Variants in DLGAP4 observed in about 807,000 individuals in gnomAD.
DLGAP4 encodes the protein disks large-associated protein 4.
DLGAP4 carries 18 observed loss-of-function variants against 86.9 expected under a neutral mutation model. The ratio of observed to expected loss-of-function variants is 0.21; its 90% CI spans 0.14 to 0.31. DLGAP4 has a LOEUF of 0.31. Ranked by LOEUF, DLGAP4 falls within the 10% of genes least tolerant of loss-of-function variation. The probability of loss-of-function intolerance (pLI) is 1.00; values close to 1 mark genes in which losing one functional copy is unlikely to be tolerated. For missense variants in DLGAP4, 1,085 were observed against 1,362.6 expected (o/e 0.80, Z 3.21); for synonymous variants, 548 against 574.3 (o/e 0.95, Z 0.65).
chr20:36,398,980 G>A (rs1340490079), intron 2 of DLGAP4, among the ~76,000 whole-genome samples: 1 of 152,148 alleles, frequency 6.6e-6, no homozygotes, highest in Non-Finnish European at 1.5e-5. Context: ...ATCACTTGAG[G>A]TCAGCAGTTC....
chr20:36,431,957 C>T lies in DLGAP4; in HGVS notation c.240C>T (p.Phe80=), dbSNP rs753759040. The change falls in exon 3 of 13, where the codon TTC becomes TTT. Residue 80 remains phenylalanine (F), a synonymous_variant. Coordinates refer to ENST00000339266, the MANE Select transcript of DLGAP4 (RefSeq NM_001365621.2). The surrounding 1 kb of genome is among the most constrained non-coding windows in gnomAD (Gnocchi z 5.1). The part of the protein sequence containing the change: ...TFPRIHYNSH[F]EVPEESPFPS... ...CCCGCATCCACTACAACTCCCACTT[C>T]GAGGTGCCAGAGGAGAGCCCCTTCC... 1.2e-6 allele frequency: 2 copies of T among 1,614,236 alleles called. No individual in the cohort carries two copies. Among genetic ancestry groups the T allele is most frequent in the East Asian group, 4.5e-5 (2 of 44,880 alleles).
intron 5 of DLGAP4, among the ~76,000 whole-genome samples, chr20:36,442,496 G>T (rs1211691494): frequency 6.6e-6 from 1 of 152,186 alleles, no homozygotes; most frequent in Non-Finnish European, 1.5e-5. Context: ...GCCCAGCCAA[G>T]AAGGACTTTT....
At chr20:36,337,279 C>T (rs1291989238) in intron 1 of DLGAP4, among the ~76,000 whole-genome samples, 5 of 150,954 alleles carry the variant, frequency 3.3e-5, no homozygotes, top group African/African-American at 4.9e-5. Flanking sequence ...ACTGCTCATT[C>T]GCTCAATAAT....
At chr20:36,446,244 G>A (rs1409568301) in intron 6 of DLGAP4, among the ~76,000 whole-genome samples, 1 of 152,148 alleles carries the variant, frequency 6.6e-6, no homozygotes, top group Non-Finnish European at 1.5e-5. Context: ...CATGGCAAGT[G>A]TCTTCCCCTC....
chr20:36,356,745 A>G (rs1555893873), intron 1 of DLGAP4, among the ~76,000 whole-genome samples: 1 of 151,966 alleles, frequency 6.6e-6, no homozygotes, highest in African/African-American at 2.4e-5. Context: ...TTGCAGTGCC[A>G]TATGGCTTGC....
intron 5 of DLGAP4, among the ~76,000 whole-genome samples, chr20:36,442,186 AG>A (rs2033465545): frequency 1.3e-5 from 2 of 152,144 alleles, no homozygotes; most frequent in South Asian, 4.1e-4. Flanking sequence ...GACCTAAAGA[AG>A]GACTTTTATT....
intron 7 of DLGAP4, among the ~76,000 whole-genome samples, chr20:36,488,538 C>G (rs543388020): frequency 6.6e-6 from 1 of 152,176 alleles, no homozygotes; most frequent in East Asian, 1.9e-4. Context: ...ACCAACCAAC[C>G]AATCAATCCA....
At chr20:36,341,107 G>A (rs1340685628) in intron 1 of DLGAP4, among the ~76,000 whole-genome samples, 1 of 152,194 alleles carries the variant, frequency 6.6e-6, no homozygotes, top group East Asian at 1.9e-4. Flanking sequence ...CTTCCTCTGT[G>A]CAATCCTCCC....
intron 2 of DLGAP4, among the ~76,000 whole-genome samples, chr20:36,380,827 G>A (rs1469461863): frequency 6.6e-6 from 1 of 152,206 alleles, no homozygotes; most frequent in African/African-American, 2.4e-5. Context: ...AGGAAAAGGA[G>A]AGTAAAGCCT....
At chr20:36,423,260 G>A (rs528269798) in intron 2 of DLGAP4, among the ~76,000 whole-genome samples, 26 of 151,820 alleles carry the variant, frequency 1.7e-4, no homozygotes, top group African/African-American at 6.3e-4. Context: ...TCAGGAGTTC[G>A]AGACCTGGCC....
chr20:36,359,773 G>A (rs528072441), intron 1 of DLGAP4, among the ~76,000 whole-genome samples: 13 of 152,266 alleles, frequency 8.5e-5, no homozygotes, highest in Middle Eastern at 3.4e-3. Context: ...GAACATTGCC[G>A]GAGGGGACGC....
chr20:36,506,224 A>G (rs147731879), intron 10 of DLGAP4, among the ~76,000 whole-genome samples: 1 of 152,306 alleles, frequency 6.6e-6, no homozygotes, highest in Non-Finnish European at 1.5e-5. Flanking sequence ...CTTCATGCCA[A>G]TAGGGTGATT....
intron 5 of DLGAP4, among the ~76,000 whole-genome samples, chr20:36,440,781 C>T (rs895600205): frequency 2.6e-5 from 4 of 151,950 alleles, no homozygotes; most frequent in East Asian, 3.9e-4. Context: ...ATGAGCCCCC[C>T]GAGAAGGCAG....
At chr20:36,358,664 C>T (rs1043033239) in intron 1 of DLGAP4, among the ~76,000 whole-genome samples, 2 of 151,970 alleles carry the variant, frequency 1.3e-5, no homozygotes, top group Non-Finnish European at 2.9e-5. Flanking sequence ...AAAAATTAGC[C>T]GGGTGTGGTG....
At position 36,432,819 on chromosome 20, in the gene DLGAP4, T is replaced by C. The variant is rs1366033516; in HGVS notation, c.999+103T>C. On this transcript the variant is annotated intron_variant, in intron 3 of 12. Transcript: ENST00000339266. The surrounding 1 kb of genome is among the most constrained non-coding windows in gnomAD (Gnocchi z 6.5). Reference sequence around the variant, plus strand: ...ATTCACTTGGAAAGTCACTTCATTCTGGGCCTCTGTGGCTCAGCTATAAAA... The same window carrying C: ...ATTCACTTGGAAAGTCACTTCATTCCGGGCCTCTGTGGCTCAGCTATAAAA... 2.6e-5 allele frequency: 37 copies of C among 1,421,104 alleles called. No homozygotes were observed. Among genetic ancestry groups the C allele is most frequent in the Non-Finnish European group, 3.0e-5 (32 of 1,049,268 alleles). 88.0% of individuals were successfully genotyped at this position (1,421,104 alleles called of 1,614,324 possible). A position where few individuals can be genotyped will look rare whatever the true frequency, so the allele number is the denominator to read the frequency against.
chr20:36,361,769 T>C (rs2147404586), intron 1 of DLGAP4, among the ~76,000 whole-genome samples: 3 of 151,618 alleles, frequency 2.0e-5, no homozygotes, highest in Middle Eastern at 3.4e-3. Context: ...GGTCAGGAGT[T>C]CGAAACCAGC....
chr20:36,321,557 C>G (rs2065168451), intron 1 of DLGAP4, among the ~76,000 whole-genome samples: 1 of 152,252 alleles, frequency 6.6e-6, no homozygotes, highest in South Asian at 2.1e-4. Flanking sequence ...CACACGTGCT[C>G]AGCGCCTGGT....
chr20:36,520,940 C>G (rs1454654404), intron 10 of DLGAP4, among the ~76,000 whole-genome samples: 1 of 152,184 alleles, frequency 6.6e-6, no homozygotes, highest in Non-Finnish European at 1.5e-5. Context: ...TCAAGTGATT[C>G]TCCTGCCTCA....
chr20:36,410,845 A>C (rs1192043796), intron 2 of DLGAP4, among the ~76,000 whole-genome samples: 1 of 152,156 alleles, frequency 6.6e-6, no homozygotes, highest in African/African-American at 2.4e-5. Context: ...CATCCAAACC[A>C]TATCAGCAGA....
Sources: gnomAD v4.1 joint callset for allele counts (sites outside exome capture counted in the v4.1 genomes callset) on GRCh38, gnomAD v4.1.1 for gene constraint, Gnocchi (gnomAD v3.1) non-coding constraint, MANE v1.5 for transcripts, NCBI Gene and HGNC (gene_info 2026-07-23, HGNC 2026-07-21) for gene names.